The following CADM2 variants were observed in gnomAD, a reference collection of about 807,000 sequenced individuals.
CADM2 encodes the protein immunoglobulin superfamily member 4D.
In CADM2, 12 loss-of-function variants were observed where a neutral mutation model predicts 49.8. That is an observed-to-expected ratio of 0.24 (90% CI 0.15 to 0.39). The LOEUF is 0.39. Among genes scored for constraint, CADM2 ranks in the 10% least tolerant of loss-of-function variants. The pLI, the probability that CADM2 is intolerant of heterozygous loss-of-function variation, is 1.00. For missense variants in CADM2, 378 were observed against 492.3 expected, an observed-to-expected ratio of 0.77 and a Z score of 2.20; for synonymous variants, 214 against 175.4, an observed-to-expected ratio of 1.22 and a Z score of -1.74.
At chr3:85,192,797 G>T (rs1004868727) in intron 1 of CADM2, among the ~76,000 whole-genome samples, 1 of 151,802 alleles carries the variant, frequency 6.6e-6, no homozygotes, top group African/African-American at 2.4e-5. Context: ...TTACTACAGG[G>T]TTAATGTTAG....
In CADM2 at chr3:85,723,076, C is replaced by T. The variant is rs533965020; in HGVS notation, c.62-3446C>T. On this transcript the variant is annotated intron_variant, in intron 1 of 9. Coordinates refer to ENST00000383699, the MANE Select transcript of CADM2 (RefSeq NM_001167675.2). Reference sequence around the variant, plus strand: ...TAAATAGCTATGGTAATTATTTTATCATTCACATGATTTTTCCTCACATAT... The same window carrying T: ...TAAATAGCTATGGTAATTATTTTATTATTCACATGATTTTTCCTCACATAT... Among the ~76,000 whole-genome samples, 889 of 152,250 alleles carry T rather than the reference C, an allele frequency of 5.8e-3. 1 individual carries two copies. The highest frequency in any genetic ancestry group is 0.017 in the Middle Eastern group (5 of 292).
At chr3:85,557,068 A>T (rs1488977131) in intron 1 of CADM2, among the ~76,000 whole-genome samples, 1 of 152,088 alleles carries the variant, frequency 6.6e-6, no homozygotes, top group Non-Finnish European at 1.5e-5. Context: ...TCAGTTATGG[A>T]TTAGCAAGTA....
At chr3:85,240,070 C>T (rs926901913) in intron 1 of CADM2, among the ~76,000 whole-genome samples, 6 of 151,046 alleles carry the variant, frequency 4.0e-5, no homozygotes, top group Non-Finnish European at 7.4e-5. Context: ...TCTTTGGCTC[C>T]CTTTGGTTTG....
chr3:85,999,654 GAAAA>G (rs1359576195), intron 8 of CADM2, among the ~76,000 whole-genome samples: 1 of 148,416 alleles, frequency 6.7e-6, no homozygotes, highest in Non-Finnish European at 1.5e-5. Context: ...AGAAAGGAAA[GAAAA>G]AAGAAAGAAA....
At chr3:85,885,350 A>G (rs1713448101) in intron 4 of CADM2, among the ~76,000 whole-genome samples, 1 of 148,912 alleles carries the variant, frequency 6.7e-6, no homozygotes, top group African/African-American at 2.5e-5. Context: ...CAGCCCGGCC[A>G]ACATGAGGAA....
chr3:85,468,114 A>C (rs1318436858), intron 1 of CADM2, among the ~76,000 whole-genome samples: 1 of 128,186 alleles, frequency 7.8e-6, no homozygotes, highest in African/African-American at 2.9e-5. Flanking sequence ...AGATCCCGCC[A>C]CTGCACTCCA....
intron 1 of CADM2, among the ~76,000 whole-genome samples, chr3:85,194,368 G>A (rs892589752): frequency 6.6e-6 from 1 of 152,024 alleles, no homozygotes; most frequent in Non-Finnish European, 1.5e-5. Context: ...GTTTTATATA[G>A]GAGGGTGACA....
At chr3:85,620,930 G>C (rs2063956985) in intron 1 of CADM2, among the ~76,000 whole-genome samples, 1 of 152,010 alleles carries the variant, frequency 6.6e-6, no homozygotes, top group Non-Finnish European at 1.5e-5. Context: ...ATTAGTTCTT[G>C]TTGTTAAAAA....
intron 1 of CADM2, among the ~76,000 whole-genome samples, chr3:85,222,841 A>C (rs1559728970): frequency 6.6e-6 from 1 of 152,128 alleles, no homozygotes; most frequent in Non-Finnish European, 1.5e-5. Context: ...CTTGAGTTCA[A>C]ATTATGCACC....
At chr3:85,443,803 C>G (rs2037316717) in intron 1 of CADM2, among the ~76,000 whole-genome samples, 1 of 152,098 alleles carries the variant, frequency 6.6e-6, no homozygotes, top group Non-Finnish European at 1.5e-5. Flanking sequence ...ACTTGGTGAT[C>G]TCTTCCAGCC....
chr3:85,890,341 C>A (rs1159426248), intron 5 of CADM2, among the ~76,000 whole-genome samples: 2 of 152,082 alleles, frequency 1.3e-5, no homozygotes, highest in African/African-American at 4.8e-5. Context: ...CTCACTCAGT[C>A]AATCTACATT....
rs375718537 is a variant in CADM2 at position 85,264,356 on chromosome 3, C to T, written c.61+304688C>T. Among the ~76,000 whole-genome samples, 7 of 152,122 alleles carry T rather than the reference C, an allele frequency of 4.6e-5. No homozygotes were observed. In the South Asian group the frequency reaches 1.0e-3, roughly 23 times the overall value. ...GTTTTCATTTTAACTTTATTCCTTC[C>T]ATAGGTTATTGCTTTACAAATGTTT... On this transcript the variant is annotated intron_variant, in intron 1 of 9. Transcript: ENST00000383699.
chr3:85,291,049 A>G (rs1274773492), intron 1 of CADM2, among the ~76,000 whole-genome samples: 4 of 152,188 alleles, frequency 2.6e-5, no homozygotes, highest in Non-Finnish European at 5.9e-5. Context: ...TAAAAAATTT[A>G]GAAGAATGTA....
chr3:85,836,646 T>C (rs1246007445), intron 3 of CADM2, among the ~76,000 whole-genome samples: 1 of 151,500 alleles, frequency 6.6e-6, no homozygotes, highest in African/African-American at 2.4e-5. Context: ...AAATAGAGGG[T>C]AATGGATACT....
intron 1 of CADM2, among the ~76,000 whole-genome samples, chr3:85,695,124 C>A (rs752021771): frequency 1.3e-5 from 2 of 152,016 alleles, no homozygotes; most frequent in Non-Finnish European, 2.9e-5. Context: ...AAAATAATGA[C>A]TTAAATATTT....
At chr3:86,011,478 A>G (rs1192030036) in intron 8 of CADM2, among the ~76,000 whole-genome samples, 1 of 152,172 alleles carries the variant, frequency 6.6e-6, no homozygotes, top group Non-Finnish European at 1.5e-5. Context: ...TATGTATACC[A>G]AAGGCCGTTG....
chr3:86,022,028 A>C (rs1253323017), intron 8 of CADM2, among the ~76,000 whole-genome samples: 1 of 152,134 alleles, frequency 6.6e-6, no homozygotes, highest in East Asian at 1.9e-4. Context: ...CAAAGTGTTC[A>C]TTTGCTCACA....
At chr3:85,550,957 AATTT>A (rs111651754) in intron 1 of CADM2, among the ~76,000 whole-genome samples, 7,598 of 148,882 alleles carry the variant, frequency 0.051, 654 homozygotes, top group African/African-American at 0.17. Context: ...CATTGATTTT[AATTT>A]ATTTATTTGT....
intron 2 of CADM2, among the ~76,000 whole-genome samples, chr3:85,742,774 T>G (rs961687499): frequency 2.0e-5 from 3 of 152,172 alleles, no homozygotes; most frequent in African/African-American, 7.2e-5. Context: ...ATTCTTCATA[T>G]CCAAAGACAA....
Sources: allele counts gnomAD v4.1 joint callset (sites outside exome capture counted in the v4.1 genomes callset), GRCh38; gene constraint gnomAD v4.1.1; transcripts MANE v1.5; gene names NCBI Gene and HGNC (gene_info 2026-07-23, HGNC 2026-07-21).